SART1: variants seen among roughly 807,000 people sequenced by gnomAD.
SART1 encodes the protein spliceosome associated factor 1, recruiter of U4/U6.U5 tri-snRNP, also known as U4/U6.U5 tri-snRNP-associated protein 1.
A neutral mutation model predicts 105.0 loss-of-function variants in SART1; 28 were observed. That is an observed-to-expected ratio of 0.27 (90% CI 0.20 to 0.37). The LOEUF is 0.37. SART1 is among the 10% of genes least tolerant of loss of function. The pLI is 1.00. For missense variants in SART1, 894 were observed against 1,106.5 expected (o/e 0.81, Z 2.72); for synonymous variants, 472 against 462.9 (o/e 1.02, Z -0.25).
Position 65,979,019 on chromosome 11 carries a change from A to G in SART1, c.2392A>G (p.Ile798Val), listed in dbSNP as rs1429821513. The G allele has an allele frequency of 1.2e-6, 2 of 1,613,894 alleles. No homozygotes were observed. The highest frequency in any genetic ancestry group is 1.7e-5 in the Admixed American group (1 of 60,004). ...GSGKSMNANT[I>V]TK The stretch of plus-strand genomic sequence containing the variant: ...CCCTGTTCTTCTCTGCAGGAACACC[A>G]TCACCAAGTGACAGCGCCCTCCCGC... The change falls in exon 20 of 20, where the codon ATC becomes GTC. Residue 798 changes from isoleucine (I) to valine (V), a missense_variant. Ile to Val is a conservative substitution (Grantham distance 29). Transcript: ENST00000312397.
chr11:65,963,582 AG>A (rs1445824246), intron 1 of SART1, among the ~76,000 whole-genome samples: 2 of 152,112 alleles, frequency 1.3e-5, no homozygotes, highest in Non-Finnish European at 2.9e-5. Context: ...CCTGGGTTCA[AG>A]CAATTCTCCT....
At chr11:65,970,194 A>G (rs1358824092) in intron 12 of SART1, among the ~76,000 whole-genome samples, 3 of 152,106 alleles carry the variant, frequency 2.0e-5, no homozygotes, top group Non-Finnish European at 2.9e-5. Flanking sequence ...TGCAGATATC[A>G]TGACACTGCA....
chr11:65,966,396 G>C lies in SART1; in HGVS notation c.1028G>C (p.Gly343Ala), dbSNP rs1027438445. The C allele has an allele frequency of 1.9e-6, 3 of 1,613,940 alleles. No homozygotes were observed. The South Asian group carries it at 3.3e-5, about 18-fold the overall frequency. The change falls in exon 9 of 20, where the codon GGG becomes GCG. Residue 343 changes from glycine (G) to alanine (A), a missense_variant. Transcript: ENST00000312397. ...TCCAAGTATGACGAAGAGCTTGAAG[G>C]GGAGCGGCCACATTCCTTCCGCTTG... is the stretch of plus-strand genomic sequence containing the variant. Reference protein sequence around the residue: ...ILSKYDEELEGERPHSFRLEQ... With the variant: ...ILSKYDEELEAERPHSFRLEQ...
At position 65,978,418 on chromosome 11, in the gene SART1, G is replaced by A. The variant is rs575502837; in HGVS notation, c.2173-182G>A. The A allele has an allele frequency of 5.7e-4, 356 of 621,476 alleles. 4 individuals carry two copies. In the South Asian group the frequency reaches 6.6e-3, roughly 11 times the overall value. 38.5% of individuals were successfully genotyped at this position (621,476 alleles called of 1,614,324 possible). ...ATCCACTAGCCAAGCTGGTCTCCCG[G>A]CCTCTGCTGGGGCCCTGCAGGGTGC... On this transcript the variant is annotated intron_variant, in intron 17 of 19. Transcript: ENST00000312397. The surrounding 1 kb of genome is among the most constrained non-coding windows in gnomAD (Gnocchi z 6.8).
At position 65,979,078 on chromosome 11, in the gene SART1, G is replaced by GC. The variant is rs1357079742; in HGVS notation, c.*49dup. Reference sequence around the variant, plus strand: ...TGCCTCAACCTTCATATTAAATAAAGCTCCCTCCTTATTTTTTCCTCCCTG... The same window carrying GC: ...TGCCTCAACCTTCATATTAAATAAAGCCTCCCTCCTTATTTTTTCCTCCCTG... On this transcript the variant is annotated 3_prime_UTR_variant, in exon 20 of 20. Transcript: ENST00000312397. 1 of 1,612,756 alleles carries GC rather than the reference G, an allele frequency of 6.2e-7. No individual in the cohort carries two copies.
At position 65,979,198 on chromosome 11, in the gene SART1, A is replaced by C; in HGVS notation, c.*168A>C. On this transcript the variant is annotated 3_prime_UTR_variant, in exon 20 of 20. Coordinates refer to ENST00000312397, the MANE Select transcript of SART1 (RefSeq NM_005146.5). ...GACCTGGCCATCAAATGACACAAAC[A>C]ACTAAACGATGGAAGAGAGAGCGAG... The C allele has an allele frequency of 1.2e-6, 1 of 838,558 alleles. No homozygotes were observed. Among genetic ancestry groups the C allele is most frequent in the South Asian group, 1.7e-5 (1 of 59,742 alleles). The allele number at this position is 838,558 out of a possible 1,614,324, so 51.9% of individuals were successfully genotyped here.
chr11:65,964,959 G>A, intron 3 of SART1, 133 bp from the exon 4 acceptor site: 3 of 1,161,840 alleles, frequency 2.6e-6, no homozygotes, highest in Non-Finnish European at 3.5e-6. Context: ...TGGGAGCAGG[G>A]AGGTGAAGGA....
At chr11:65,965,667 C>T (rs373450376) in intron 5 of SART1, 35 bp from the exon 6 acceptor site, 8 of 1,597,164 alleles carry the variant, frequency 5.0e-6, no homozygotes, top group East Asian at 2.2e-5. Flanking sequence ...TGCTGAGTGG[C>T]CTGAAGTCCT....
intron 12 of SART1, among the ~76,000 whole-genome samples, chr11:65,971,765 C>T (rs1855384173): frequency 6.6e-6 from 1 of 151,970 alleles, no homozygotes; most frequent in African/African-American, 2.4e-5. Context: ...TTGATTTCCC[C>T]CTGAGTCTAA....
At chr11:65,966,966 C>T (rs59156593) in intron 9 of SART1, among the ~76,000 whole-genome samples, 4,631 of 152,150 alleles carry the variant, frequency 0.03, 91 homozygotes, top group African/African-American at 0.057. Context: ...ACAGCTGGCG[C>T]GGTAGGCGTC....
rs776520953 is a variant in SART1, at chr11:65,967,693, C to G, written c.1444C>G (p.Pro482Ala). 1 of 1,567,148 alleles carries G rather than the reference C, an allele frequency of 6.4e-7. No individual in the cohort carries two copies. Among genetic ancestry groups the G allele is most frequent in the African/African-American group, 1.3e-5 (1 of 74,418 alleles). The change falls in exon 12 of 20, where the codon CCA becomes GCA. Residue 482 changes from proline (P) to alanine (A), a missense_variant. By Grantham distance (27) the Pro-to-Ala change is conservative. Transcript: ENST00000312397. ...DISDEEEGGA[P>A]PPGSPQVLEE... ...GTTTCCCCCAGAGGAAGGTGGAGCTCCACCGCCGGGGTCCCCGCAGGTGCT... is the reference window on the plus strand; with the variant it reads ...GTTTCCCCCAGAGGAAGGTGGAGCTGCACCGCCGGGGTCCCCGCAGGTGCT...
At position 65,976,988 on chromosome 11, in the gene SART1, A is replaced by C; in HGVS notation, c.1858-26A>C. On this transcript the variant is annotated intron_variant, in intron 14 of 19. Transcript: ENST00000312397. This position sits in a 1 kb window ranked among gnomAD's most constrained non-coding sequence, Gnocchi z 5.1. ...CTGAGAAGAGCCGGTATGGCCTGCT[A>C]ACCACCCCCGCCACGTGTCCCGTAG... is the stretch of plus-strand genomic sequence containing the variant. 1 of 1,594,292 alleles carries C rather than the reference A, an allele frequency of 6.3e-7. No homozygotes were observed.
Position 65,965,114 on chromosome 11 carries a change from C to G in SART1, c.450C>G (p.Pro150=). Residue 150 remains proline (P), a synonymous_variant, in exon 4 of 20, where the codon CCC becomes CCG. Transcript: ENST00000312397. ...CAGAGGCGGGCACCAAGGAGGAGCC[C>G]GTGACAGCTGATGTCATCAACCCTA... ...IKKEAGTKEE[P]VTADVINPMA... 1 of 1,584,392 alleles carries G rather than the reference C, an allele frequency of 6.3e-7. No homozygotes were observed. The highest frequency in any genetic ancestry group is 8.5e-7 in the Non-Finnish European group (1 of 1,170,158).
In SART1 at chr11:65,976,769, G is replaced by A. The variant is rs1855489083; in HGVS notation, c.1857+3G>A. On this transcript the variant is annotated splice_donor_region_variant and intron_variant, in intron 14 of 19. Coordinates refer to ENST00000312397, the MANE Select transcript of SART1 (RefSeq NM_005146.5). The surrounding 1 kb of genome is among the most constrained non-coding windows in gnomAD (Gnocchi z 5.1). Reference sequence around the variant, plus strand: ...ACGAGGAGAAGCAGCAGCAGGATGTGAGGGCCGCGCCGCTGGGGGGTGGGC... The same window carrying A: ...ACGAGGAGAAGCAGCAGCAGGATGTAAGGGCCGCGCCGCTGGGGGGTGGGC... The A allele has an allele frequency of 1.2e-6, 2 of 1,603,692 alleles. No individual in the cohort carries two copies. Among genetic ancestry groups the A allele is most frequent in the African/African-American group, 1.3e-5 (1 of 74,722 alleles).
chr11:65,964,624 C>G, intron 3 of SART1, 54 bp downstream of exon 3: 1 of 1,553,420 alleles, frequency 6.4e-7, no homozygotes, highest in Non-Finnish European at 8.7e-7. Flanking sequence ...CTGAAGGGGT[C>G]TTTGAAGAAG....
intron 12 of SART1, among the ~76,000 whole-genome samples, chr11:65,970,476 TG>T (rs1193916633): frequency 6.6e-6 from 1 of 152,106 alleles, no homozygotes; most frequent in African/African-American, 2.4e-5. Flanking sequence ...CAGGCGGTGC[TG>T]GGGCCTAGAG....
intron 12 of SART1, among the ~76,000 whole-genome samples, chr11:65,969,803 A>T (rs1439052145): frequency 6.6e-6 from 1 of 151,022 alleles, no homozygotes; most frequent in Non-Finnish European, 1.5e-5. Flanking sequence ...GCTCACTGCA[A>T]CCTCCATGTC....
At chr11:65,967,200 C>A in intron 9 of SART1, 59 bp from the exon 10 acceptor site, 3 of 1,593,736 alleles carry the variant, frequency 1.9e-6, no homozygotes, top group South Asian at 1.1e-5. Context: ...CCCTCGAGGG[C>A]TTGTGGCGAC....
At position 65,965,764 on chromosome 11, in the gene SART1, C is replaced by T. The variant is rs1436941831; in HGVS notation, c.723C>T (p.Phe241=). The T allele has an allele frequency of 8.1e-6, 13 of 1,613,784 alleles. No individual in the cohort carries two copies. Among genetic ancestry groups the T allele is most frequent in the African/African-American group, 2.7e-5 (2 of 74,878 alleles). Residue 241 remains phenylalanine, a synonymous_variant, in exon 6 of 20, where the codon TTC becomes TTT. Coordinates refer to ENST00000312397, the MANE Select transcript of SART1 (RefSeq NM_005146.5). The stretch of plus-strand genomic sequence containing the variant: ...TCAGCACTCTGGTGGAGGAGGAGTT[C>T]GGGCAGAGGCGGCAGGTGAGGCTGC... ...FGVSTLVEEE[F]GQRRQDLYSA...
Sources: gnomAD v4.1 joint callset for allele counts (sites outside exome capture counted in the v4.1 genomes callset) on GRCh38, gnomAD v4.1.1 for gene constraint, Gnocchi (gnomAD v3.1) non-coding constraint, MANE v1.5 for transcripts, NCBI Gene and HGNC (gene_info 2026-07-23, HGNC 2026-07-21) for gene names.